KLHDC1: variants seen among roughly 807,000 people sequenced by gnomAD.
KLHDC1 encodes the protein kelch domain-containing protein 1.
Under a neutral mutation model 68.3 loss-of-function variants are expected in KLHDC1, and 53 were observed. The observed-to-expected ratio is 0.78, with a 90% CI of 0.62 to 0.98. KLHDC1 has a LOEUF of 0.98. Ranked by LOEUF, KLHDC1 falls within the 50% of genes least tolerant of loss-of-function variation. The pLI is 0.00. For synonymous variants in KLHDC1, 148 were observed against 159.0 expected, an observed-to-expected ratio of 0.93 and a Z score of 0.52; for missense variants, 470 against 492.3, an observed-to-expected ratio of 0.95 and a Z score of 0.43.
chr14:49,705,350 A>G (rs1888019517), intron 1 of KLHDC1, among the ~76,000 whole-genome samples: 2 of 100,590 alleles, frequency 2.0e-5, no homozygotes, highest in Admixed American at 1.2e-4. Context: ...TCACTTTCAT[A>G]ATATTTCTTT....
intron 3 of KLHDC1, 71 bp downstream of exon 3, chr14:49,709,897 C>A (rs1016056340): frequency 2.7e-6 from 2 of 746,682 alleles, no homozygotes. Context: ...TCACAAGTTA[C>A]AAATATTTTA....
chr14:49,728,396 T>A (rs1888723308), intron 6 of KLHDC1, among the ~76,000 whole-genome samples: 1 of 152,248 alleles, frequency 6.6e-6, no homozygotes, highest in African/African-American at 2.4e-5. Flanking sequence ...AGAAGTGTTA[T>A]CAATTAATGT....
At chr14:49,728,530 G>A (rs1465997271) in intron 6 of KLHDC1, among the ~76,000 whole-genome samples, 1 of 152,076 alleles carries the variant, frequency 6.6e-6, no homozygotes, top group African/African-American at 2.4e-5. Context: ...TGAGATAATC[G>A]CAATATGCAC....
At chr14:49,697,171 G>A (rs1426709211) in intron 1 of KLHDC1, among the ~76,000 whole-genome samples, 5 of 152,100 alleles carry the variant, frequency 3.3e-5, no homozygotes, top group South Asian at 4.1e-4. Context: ...TCCTGACCTC[G>A]TGATCCGCCC....
intron 2 of KLHDC1, among the ~76,000 whole-genome samples, 163 bp downstream of exon 2, chr14:49,709,392 C>T (rs559222252): frequency 6.6e-6 from 1 of 152,252 alleles, no homozygotes; most frequent in South Asian, 2.1e-4. Context: ...TTTCATTCCC[C>T]TACTGTCTTC....
At chr14:49,696,303 C>T (rs1468373487) in intron 1 of KLHDC1, among the ~76,000 whole-genome samples, 1 of 151,712 alleles carries the variant, frequency 6.6e-6, no homozygotes, top group Non-Finnish European at 1.5e-5. Context: ...TCCTGAGTAG[C>T]TGGGATTACA....
intron 1 of KLHDC1, among the ~76,000 whole-genome samples, chr14:49,705,312 G>A (rs1888018116): frequency 6.8e-6 from 1 of 146,002 alleles, no homozygotes; most frequent in Admixed American, 6.9e-5. Flanking sequence ...GGGAGCCATT[G>A]AAAGGACTTA....
chr14:49,719,970 T>C (rs1888484676), intron 4 of KLHDC1, among the ~76,000 whole-genome samples: 1 of 144,966 alleles, frequency 6.9e-6, no homozygotes, highest in African/African-American at 2.5e-5. Flanking sequence ...TACAAGTGCA[T>C]GCCACCACAC....
intron 1 of KLHDC1, among the ~76,000 whole-genome samples, chr14:49,705,365 CTT>C (rs59444333): frequency 3.6e-4 from 26 of 71,668 alleles, no homozygotes; most frequent in African/African-American, 1.3e-3. Context: ...TTCTTTCTTT[CTT>C]TTTTTTTTTT....
chr14:49,693,995 G>T (rs1170884319), intron 1 of KLHDC1, among the ~76,000 whole-genome samples: 1 of 151,700 alleles, frequency 6.6e-6, no homozygotes, highest in Non-Finnish European at 1.5e-5. Context: ...CAGGTGATCC[G>T]CCCGCCTTGG....
rs1887616213 is a variant in KLHDC1, at chr14:49,693,193, G to T, written c.-2G>T. The stretch of plus-strand genomic sequence containing the variant: ...GCAAGCGGCGGGCCAGCGACGGCGC[G>T]AATGGCGGACTCTCAGCTGTTCTGT... On this transcript the variant is annotated 5_prime_UTR_variant, in exon 1 of 13. Coordinates refer to ENST00000359332, the MANE Select transcript of KLHDC1 (RefSeq NM_172193.3). 1 of 1,582,228 alleles carries T rather than the reference G, an allele frequency of 6.3e-7. No individual in the cohort carries two copies. Among genetic ancestry groups the T allele is most frequent in the Non-Finnish European group, 8.6e-7 (1 of 1,166,132 alleles).
rs1889326788 is a variant in KLHDC1, at chr14:49,751,794, T to A, written c.*22T>A. On this transcript the variant is annotated 3_prime_UTR_variant, in exon 13 of 13. Coordinates refer to ENST00000359332, the MANE Select transcript of KLHDC1 (RefSeq NM_172193.3). ...TTAAATTGTTATATACTTTACATAT[T>A]TAGTATGTTTTAACTTTTTAATCAG... The A allele has an allele frequency of 7.8e-7, 1 of 1,286,824 alleles. No homozygotes were observed. Among genetic ancestry groups the A allele is most frequent in the African/African-American group, 1.5e-5 (1 of 65,884 alleles). The allele number at this position is 1,286,824 out of a possible 1,614,324, so 79.7% of individuals were successfully genotyped here.
chr14:49,743,733 GCCTTTTTTGT>G lies in KLHDC1; in HGVS notation c.982-19_982-10del, dbSNP rs766645698. 6.6e-7 allele frequency: 1 copy of G among 1,505,210 alleles called. No individual in the cohort carries two copies. Among genetic ancestry groups the G allele is most frequent in the South Asian group, 1.2e-5 (1 of 83,826 alleles). 93.2% of individuals were successfully genotyped at this position (1,505,210 alleles called of 1,614,324 possible). ...TTATTTTTATCAAAAACTTAATAAT[GCCTTTTTTGT>G]GTTGATTAGGGTCACTGTAATGATT... is the stretch of plus-strand genomic sequence containing the variant. On this transcript the variant is annotated splice_polypyrimidine_tract_variant and intron_variant, in intron 11 of 12. Transcript: ENST00000359332.
chr14:49,734,616 C>A lies in KLHDC1; in HGVS notation c.851C>A (p.Thr284Lys). 1 of 1,595,616 alleles carries A rather than the reference C, an allele frequency of 6.3e-7. No individual in the cohort carries two copies. The highest frequency in any genetic ancestry group is 8.6e-7 in the Non-Finnish European group (1 of 1,168,716). ...LSDGWIHNVT[T>K]NCWKQLTHLP... ...GATGGTTGGATTCATAATGTCACAACAAATTGTTGGAAACAACTTACACAT... is the reference window on the plus strand; with the variant it reads ...GATGGTTGGATTCATAATGTCACAAAAAATTGTTGGAAACAACTTACACAT... Residue 284 changes from threonine to lysine, a missense_variant, in exon 10 of 13, where the codon ACA becomes AAA. Coordinates refer to ENST00000359332, the MANE Select transcript of KLHDC1 (RefSeq NM_172193.3).
At position 49,729,008 on chromosome 14, in the gene KLHDC1, T is replaced by C. The variant is rs773520855; in HGVS notation, c.650T>C (p.Leu217Pro). The C allele has an allele frequency of 5.0e-6, 8 of 1,604,482 alleles. No homozygotes were observed. In the African/African-American group the frequency reaches 1.1e-4, roughly 21 times the overall value. ...NKGYIFGGRV[L>P]QTRMNDLHYL... is the part of the protein sequence containing the mutation. ...GGTTATATCTTTGGCGGACGTGTTC[T>C]GGTTAGTGTTTTTAATGGAAATGGT... The change falls in exon 7 of 13, where the codon CTG becomes CCG. Residue 217 changes from leucine to proline, a missense_variant and splice_region_variant. By Grantham distance (98) the Leu-to-Pro change is moderately conservative (BLOSUM62 -3). Coordinates refer to ENST00000359332, the MANE Select transcript of KLHDC1 (RefSeq NM_172193.3).
At chr14:49,726,943 A>G (rs1271167110) in intron 6 of KLHDC1, among the ~76,000 whole-genome samples, 2 of 152,098 alleles carry the variant, frequency 1.3e-5, no homozygotes, top group Admixed American at 1.3e-4. Flanking sequence ...CTCAACGTCT[A>G]TATATTAGTC....
At chr14:49,718,223 A>G (rs1888429363) in intron 4 of KLHDC1, among the ~76,000 whole-genome samples, 1 of 152,006 alleles carries the variant, frequency 6.6e-6, no homozygotes, top group Non-Finnish European at 1.5e-5. Context: ...TTTCCATTTC[A>G]TCTAAGTTAT....
intron 1 of KLHDC1, among the ~76,000 whole-genome samples, chr14:49,702,319 G>C (rs1470559654): frequency 6.6e-6 from 1 of 152,132 alleles, no homozygotes; most frequent in African/African-American, 2.4e-5. Flanking sequence ...AGATGAGAAA[G>C]AATTCTGGCA....
intron 1 of KLHDC1, among the ~76,000 whole-genome samples, chr14:49,703,639 C>G (rs1382781674): frequency 6.6e-6 from 1 of 152,068 alleles, no homozygotes; most frequent in African/African-American, 2.4e-5. Flanking sequence ...TCAGCCTCTT[C>G]CATGAATTCT....
Sources: gnomAD v4.1 joint callset for allele counts (sites outside exome capture counted in the v4.1 genomes callset) on GRCh38, gnomAD v4.1.1 for gene constraint, MANE v1.5 for transcripts, NCBI Gene and HGNC (gene_info 2026-07-23, HGNC 2026-07-21) for gene names.